Variants in HIVEP3 observed in about 807,000 individuals in gnomAD.
HIVEP3 encodes HIVEP zinc finger 3.
Under a neutral mutation model 152.8 loss-of-function variants are expected in HIVEP3, and 49 were observed. The observed-to-expected ratio is 0.32, with a 90% CI of 0.26 to 0.41. The LOEUF (loss-of-function observed/expected upper bound fraction) is 0.41. HIVEP3 is among the 10% of genes least tolerant of loss of function. The pLI, the probability that HIVEP3 is intolerant of heterozygous loss-of-function variation, is 1.00. For synonymous variants in HIVEP3, 1,269 were observed against 1,289.0 expected (o/e 0.98, Z 0.33); for missense variants, 2,790 against 3,103.3 (o/e 0.90, Z 2.40).
At chr1:41,725,020 G>A (rs141837601) in intron 1 of HIVEP3, among the ~76,000 whole-genome samples, 1 of 152,366 alleles carries the variant, frequency 6.6e-6, no homozygotes, top group East Asian at 1.9e-4. Flanking sequence ...AAGACCAGCT[G>A]TTTGTTTTCC....
chr1:41,991,309 A>AG (rs1645359442), intron 1 of HIVEP3, among the ~76,000 whole-genome samples: 1 of 151,184 alleles, frequency 6.6e-6, no homozygotes, highest in African/African-American at 2.4e-5. Context: ...AAAATGATAA[A>AG]GGGGATATCA....
intron 1 of HIVEP3, among the ~76,000 whole-genome samples, chr1:41,890,983 G>A (rs1003424778): frequency 5.9e-5 from 9 of 152,126 alleles, no homozygotes; most frequent in Admixed American, 2.0e-4. Context: ...TCCACCACAC[G>A]GGAGCCCTGA....
chr1:41,528,389 C>T (rs1454598620), intron 5 of HIVEP3, among the ~76,000 whole-genome samples: 19 of 131,778 alleles, frequency 1.4e-4, no homozygotes, highest in Admixed American at 4.4e-4. Context: ...ACACAGTCCA[C>T]ACGCCCACCC....
chr1:41,924,109 A>G (rs77218081), intron 1 of HIVEP3, among the ~76,000 whole-genome samples: 1,695 of 152,266 alleles, frequency 0.011, 30 homozygotes, highest in African/African-American at 0.039. Context: ...CCCTAAATGA[A>G]ATCACAAGTA....
intron 5 of HIVEP3, among the ~76,000 whole-genome samples, chr1:41,528,009 AC>A (rs1643058858): frequency 9.5e-6 from 1 of 104,946 alleles, no homozygotes; most frequent in Non-Finnish European, 1.9e-5. Flanking sequence ...CACACTCCAC[AC>A]CCCGCCCTCA....
In HIVEP3 at chr1:41,581,967, C is replaced by G; in HGVS notation, c.2831G>C (p.Ser944Thr). 4 of 1,614,178 alleles carry G rather than the reference C, an allele frequency of 2.5e-6. No individual in the cohort carries two copies. Among genetic ancestry groups the G allele is most frequent in the Non-Finnish European group, 3.4e-6 (4 of 1,180,020 alleles). The change falls in exon 4 of 9, where the codon AGC becomes ACC. Residue 944 changes from serine (S) to threonine (T), a missense_variant. Around this residue, in one of 9 missense-constraint regions of HIVEP3, gnomAD observed 1,078 missense variants for 1,165.3 expected, o/e 0.93. Transcript: ENST00000372583. The surrounding 1 kb of genome is among the most constrained non-coding windows in gnomAD (Gnocchi z 4.5). Reference sequence around the variant, plus strand: ...ATCCCTCTCAAACGAGGCTGAGCGGCTGGACCCACTCAAAGAGACATTGCT... The same window carrying G: ...ATCCCTCTCAAACGAGGCTGAGCGGGTGGACCCACTCAAAGAGACATTGCT... ...QESNVSLSGS[S>T]RSASFERDDH...
At chr1:41,805,885 G>C (rs769818996) in intron 1 of HIVEP3, among the ~76,000 whole-genome samples, 5 of 151,530 alleles carry the variant, frequency 3.3e-5, no homozygotes, top group African/African-American at 4.8e-5. Context: ...CTTGTGTTCT[G>C]TGTGTGTGTG....
intron 1 of HIVEP3, among the ~76,000 whole-genome samples, chr1:41,947,366 C>T (rs561506237): frequency 2.9e-3 from 436 of 152,346 alleles, no homozygotes; most frequent in Admixed American, 4.8e-3. Context: ...TTAAATACTT[C>T]GGGCTAAAAT....
intron 1 of HIVEP3, among the ~76,000 whole-genome samples, chr1:41,994,388 G>A (rs1174250152): frequency 6.6e-6 from 1 of 152,052 alleles, no homozygotes; most frequent in African/African-American, 2.4e-5. Flanking sequence ...GCGATTTGGC[G>A]CTATGTCCCC....
intron 1 of HIVEP3, among the ~76,000 whole-genome samples, chr1:42,008,197 T>C (rs1645471908): frequency 1.3e-5 from 2 of 152,188 alleles, no homozygotes; most frequent in African/African-American, 4.8e-5. Flanking sequence ...CAAAATGTGA[T>C]CCTGTCACAT....
chr1:42,002,336 T>C (rs943227027), intron 1 of HIVEP3, among the ~76,000 whole-genome samples: 3 of 152,124 alleles, frequency 2.0e-5, no homozygotes, highest in African/African-American at 7.2e-5. Flanking sequence ...CCTTCTCACC[T>C]TCCCTGGCCT....
At chr1:41,593,905 A>C (rs139831503) in intron 3 of HIVEP3, among the ~76,000 whole-genome samples, 1 of 152,146 alleles carries the variant, frequency 6.6e-6, no homozygotes, top group East Asian at 1.9e-4. Context: ...GCCTTTCCCA[A>C]CTTCTAGAGG....
chr1:41,975,835 C>T (rs1645256234), intron 1 of HIVEP3, among the ~76,000 whole-genome samples: 1 of 152,096 alleles, frequency 6.6e-6, no homozygotes, highest in African/African-American at 2.4e-5. Flanking sequence ...CTGTGGTGGC[C>T]AATGTCCATG....
rs1056520472 is a variant in HIVEP3 at position 41,918,004 on chromosome 1, C to A, written c.-801+409G>T. 2.6e-5 allele frequency among the ~76,000 whole-genome samples: 4 copies of A among 152,234 alleles called. No individual in the cohort carries two copies. Among genetic ancestry groups the A allele is most frequent in the Non-Finnish European group, 5.9e-5 (4 of 68,028 alleles). On this transcript the variant is annotated intron_variant, in intron 1 of 8. Transcript: ENST00000372583. This position sits in a 1 kb window ranked among gnomAD's most constrained non-coding sequence, Gnocchi z 4.3. ...CACGGAACGCGATGCCTAAGCCCCC[C>A]AGCCGAGGCTCCTATGGAGCCGGCC...
intron 1 of HIVEP3, among the ~76,000 whole-genome samples, chr1:41,857,035 G>A (rs1381620034): frequency 6.6e-6 from 1 of 152,084 alleles, no homozygotes; most frequent in African/African-American, 2.4e-5. Context: ...TTTCTGGCCT[G>A]CCAAGCACAC....
intron 2 of HIVEP3, among the ~76,000 whole-genome samples, chr1:41,665,826 G>A (rs1320781873): frequency 4.6e-5 from 7 of 151,774 alleles, no homozygotes; most frequent in African/African-American, 1.7e-4. Context: ...TTTGGCATCT[G>A]ATCTGCCATC....
intron 3 of HIVEP3, among the ~76,000 whole-genome samples, chr1:41,588,483 C>G (rs569309857): frequency 6.6e-6 from 1 of 152,102 alleles, no homozygotes; most frequent in Admixed American, 6.5e-5. Flanking sequence ...GGTGGTGGAG[C>G]GCCCAGCAGC....
chr1:41,753,031 T>C (rs1647190114), intron 1 of HIVEP3, among the ~76,000 whole-genome samples: 1 of 152,212 alleles, frequency 6.6e-6, no homozygotes, highest in South Asian at 2.1e-4. Flanking sequence ...TGTCTCTGAG[T>C]TGCTGTAAAG....
intron 1 of HIVEP3, among the ~76,000 whole-genome samples, chr1:41,809,040 G>C (rs1650795124): frequency 6.6e-6 from 1 of 152,232 alleles, no homozygotes; most frequent in Admixed American, 6.5e-5. Flanking sequence ...TCAGAATTCA[G>C]GATTTACAGC....
Sources: allele counts gnomAD v4.1 joint callset (sites outside exome capture counted in the v4.1 genomes callset), GRCh38; gene constraint gnomAD v4.1.1; regional missense constraint gnomAD v4.1.1; non-coding constraint Gnocchi (gnomAD v3.1); transcripts MANE v1.5; gene names NCBI Gene and HGNC (gene_info 2026-07-23, HGNC 2026-07-21).